The following SLC30A5 variants were observed in gnomAD, a reference collection of about 807,000 sequenced individuals.
SLC30A5 encodes the protein proton-coupled zinc antiporter SLC30A5.
In SLC30A5, 33 loss-of-function variants were observed where a neutral mutation model predicts 79.6. The observed-to-expected ratio is 0.41, with a 90% CI of 0.31 to 0.55. The LOEUF (loss-of-function observed/expected upper bound fraction) is 0.55, where lower values mean the gene tolerates loss of function less well. Among genes scored for constraint, SLC30A5 ranks in the 20% least tolerant of loss-of-function variants. SLC30A5 has a pLI of 0.20. For synonymous variants in SLC30A5, 299 were observed against 319.7 expected (o/e 0.94, Z 0.69); for missense variants, 788 against 928.1 (o/e 0.85, Z 1.96).
At position 69,123,270 on chromosome 5, in the gene SLC30A5, C is replaced by T. The variant is rs1407051258; in HGVS notation, c.1843C>T (p.Gln615Ter). Residue 615 changes from glutamine (Q) to a stop codon, truncating the protein, a stop_gained, in exon 14 of 16, where the codon CAG becomes TAG. Coordinates refer to ENST00000396591, the MANE Select transcript of SLC30A5 (RefSeq NM_022902.5). LOFTEE classifies it high-confidence loss of function. ...GVIVSTVLIE[Q>*]FGWFIADPLC... ...GATCGTATCCACAGTTCTTATAGAG[C>T]AGTTTGGATGGTTCATCGCTGACCC... 2 of 1,613,982 alleles carry T rather than the reference C, an allele frequency of 1.2e-6. No individual in the cohort carries two copies. Among genetic ancestry groups the T allele is most frequent in the Non-Finnish European group, 1.7e-6 (2 of 1,179,956 alleles).
intron 11 of SLC30A5, 174 bp from the exon 12 acceptor site, chr5:69,118,325 G>GTGTGTATATATA (rs60416809): frequency 1.1e-5 from 2 of 188,326 alleles, no homozygotes; most frequent in African/African-American, 5.5e-5. Flanking sequence ...ATATATATAT[G>GTGTGTATATATA]TATATATATA....
intron 14 of SLC30A5, among the ~76,000 whole-genome samples, chr5:69,127,524 T>TA (rs1156484084): frequency 6.6e-6 from 1 of 150,840 alleles, no homozygotes; most frequent in Non-Finnish European, 1.5e-5. Flanking sequence ...CGTGCACCCG[T>TA]AGTCAGCTAC....
chr5:69,128,312 C>T (rs1052981164), intron 15 of SLC30A5, among the ~76,000 whole-genome samples, 180 bp downstream of exon 15: 32 of 136,752 alleles, frequency 2.3e-4, no homozygotes, highest in Admixed American at 4.0e-4. Context: ...AGTGCAGTGG[C>T]GTGATCTCGG....
chr5:69,113,840 T>G (rs1013500582), intron 6 of SLC30A5, among the ~76,000 whole-genome samples: 8 of 152,234 alleles, frequency 5.3e-5, no homozygotes, highest in African/African-American at 1.9e-4. Flanking sequence ...GCCCTAAAAC[T>G]TATTAGTAAA....
At chr5:69,108,547 C>G in intron 5 of SLC30A5, 111 bp downstream of exon 5, 2 of 855,224 alleles carry the variant, frequency 2.3e-6, no homozygotes, top group African/African-American at 3.3e-5. Context: ...GGAGGCTGAG[C>G]GCGATGGCTC....
At chr5:69,110,419 A>G (rs1746201224) in intron 5 of SLC30A5, among the ~76,000 whole-genome samples, 5 of 152,230 alleles carry the variant, frequency 3.3e-5, no homozygotes, top group Admixed American at 3.3e-4. Context: ...TGAAGTGAAC[A>G]AAGTAACATG....
chr5:69,100,974 G>A, intron 2 of SLC30A5, 45 bp downstream of exon 2: 1 of 1,505,466 alleles, frequency 6.6e-7, no homozygotes, highest in Non-Finnish European at 8.9e-7. Context: ...TTATTTCTTT[G>A]AAAATCCTGT....
At chr5:69,125,509 A>G (rs1303682694) in intron 14 of SLC30A5, among the ~76,000 whole-genome samples, 9 of 145,436 alleles carry the variant, frequency 6.2e-5, no homozygotes, top group African/African-American at 2.3e-4. Context: ...GAGACTGGCA[A>G]CAGAGCGAGA....
rs1385678887 is a variant in SLC30A5 at position 69,100,937 on chromosome 5, T to G, written c.206+8T>G. 11 of 1,415,348 alleles carry G rather than the reference T, an allele frequency of 7.8e-6. No individual in the cohort carries two copies. The highest frequency in any genetic ancestry group is 5.2e-5 in the East Asian group (2 of 38,302). 87.7% of individuals were successfully genotyped at this position (1,415,348 alleles called of 1,614,324 possible). On this transcript the variant is annotated splice_region_variant and intron_variant, in intron 2 of 15. Transcript: ENST00000396591. ...TTTTATATTAAAACTTGGGTGAGTGTGGGGGGGGGTTTTTTCTTGATATTT... is the reference window on the plus strand; with the variant it reads ...TTTTATATTAAAACTTGGGTGAGTGGGGGGGGGGGTTTTTTCTTGATATTT...
At chr5:69,126,115 A>G (rs1228790639) in intron 14 of SLC30A5, among the ~76,000 whole-genome samples, 1 of 152,106 alleles carries the variant, frequency 6.6e-6, no homozygotes, top group Non-Finnish European at 1.5e-5. Flanking sequence ...AAATAAACAA[A>G]TATAAAATAG....
At chr5:69,111,537 C>T (rs1010909728) in intron 5 of SLC30A5, among the ~76,000 whole-genome samples, 23 of 151,876 alleles carry the variant, frequency 1.5e-4, no homozygotes, top group Non-Finnish European at 3.2e-4. Context: ...AACTCCTGAC[C>T]TCATGATCCA....
intron 12 of SLC30A5, among the ~76,000 whole-genome samples, chr5:69,120,107 G>A (rs1305965835): frequency 6.6e-6 from 1 of 151,298 alleles, no homozygotes; most frequent in African/African-American, 2.4e-5. Context: ...GTCCACCAGT[G>A]AAAAAAGTAA....
Position 69,100,873 on chromosome 5 carries a change from A to G in SLC30A5, c.150A>G (p.Ser50=), listed in dbSNP as rs754580862. 1.9e-6 allele frequency: 3 copies of G among 1,608,858 alleles called. No individual in the cohort carries two copies. The highest frequency in any genetic ancestry group is 4.5e-5 in the East Asian group (2 of 44,428). Residue 50 remains serine, a synonymous_variant, in exon 2 of 16, where the codon TCA becomes TCG. Coordinates refer to ENST00000396591, the MANE Select transcript of SLC30A5 (RefSeq NM_022902.5). ...TGAAGGCTGTGGGACTTTTCGAATCATATGATCTCCTAAAAGCTGTTCACA... is the reference window on the plus strand; with the variant it reads ...TGAAGGCTGTGGGACTTTTCGAATCGTATGATCTCCTAAAAGCTGTTCACA... ...KFLKAVGLFE[S]YDLLKAVHIV... is the part of the protein sequence containing the mutation.
chr5:69,108,920 A>C (rs1178019723), intron 5 of SLC30A5, among the ~76,000 whole-genome samples: 1 of 152,198 alleles, frequency 6.6e-6, no homozygotes, highest in African/African-American at 2.4e-5. Context: ...AGTTTACAAA[A>C]ATAGATATTT....
chr5:69,101,056 CTTT>C, intron 2 of SLC30A5, 127 bp downstream of exon 2: 2 of 871,940 alleles, frequency 2.3e-6, no homozygotes, highest in Non-Finnish European at 3.3e-6. Flanking sequence ...ATTTGATAAA[CTTT>C]TTTAACTGGG....
In SLC30A5 at chr5:69,129,504, G is replaced by A. The variant is rs1309083314; in HGVS notation, c.2185G>A (p.Glu729Lys). 6.2e-7 allele frequency: 1 copy of A among 1,613,330 alleles called. No homozygotes were observed. The highest frequency in any genetic ancestry group is 8.5e-7 in the Non-Finnish European group (1 of 1,179,778). ...CAATTTAACAATTCAAGTGGAAAAG[G>A]AGGCATACTTTCAACATATGTCTGG... ...VNNLTIQVEK[E>K]AYFQHMSGLS... The change falls in exon 16 of 16, where the codon GAG (glutamate) becomes AAG (lysine). Residue 729 changes from glutamate to lysine, a missense_variant. Transcript: ENST00000396591.
At chr5:69,117,470 A>G (rs1746403478) in intron 11 of SLC30A5, 74 bp downstream of exon 11, 2 of 1,241,758 alleles carry the variant, frequency 1.6e-6, no homozygotes, top group South Asian at 2.9e-5. Flanking sequence ...TATATTACTT[A>G]TATTACTTTT....
chr5:69,105,574 C>T lies in SLC30A5; in HGVS notation c.359+858C>T, dbSNP rs147381979. Among the ~76,000 whole-genome samples the T allele has an allele frequency of 1.2e-4, 19 of 152,172 alleles. No individual in the cohort carries two copies. The East Asian group carries it at 2.9e-3, about 23-fold the overall frequency. On this transcript the variant is annotated intron_variant, in intron 4 of 15. Transcript: ENST00000396591. Reference sequence around the variant, plus strand: ...ATATACAAAAATTAGCCAGAAATCACTTGAACTCAGGAGGCGAAGGTTGCA... The same window carrying T: ...ATATACAAAAATTAGCCAGAAATCATTTGAACTCAGGAGGCGAAGGTTGCA...
intron 6 of SLC30A5, 64 bp downstream of exon 6, chr5:69,113,291 T>C: frequency 8.0e-7 from 1 of 1,243,132 alleles, no homozygotes; most frequent in African/African-American, 1.5e-5. Flanking sequence ...CCTGGAACAA[T>C]GGAAAAAGAA....
Sources: allele counts gnomAD v4.1 joint callset (sites outside exome capture counted in the v4.1 genomes callset), GRCh38; gene constraint gnomAD v4.1.1; transcripts MANE v1.5; gene names NCBI Gene and HGNC (gene_info 2026-07-23, HGNC 2026-07-21).